ILDR2: variants seen among roughly 807,000 people sequenced by gnomAD.
The protein encoded by ILDR2 is immunoglobulin-like domain-containing receptor 2.
A neutral mutation model predicts 66.8 loss-of-function variants in ILDR2; 25 were observed. That is an observed-to-expected ratio of 0.37 (90% confidence interval 0.27 to 0.52). The LOEUF is 0.52. ILDR2 is among the 20% of genes least tolerant of loss of function. The probability of loss-of-function intolerance (pLI) is 0.88; values close to 1 mark genes in which losing one functional copy is unlikely to be tolerated. For synonymous variants in ILDR2, 367 were observed against 357.2 expected (o/e 1.03, Z -0.31); for missense variants, 827 against 876.8 (o/e 0.94, Z 0.72).
intron 7 of ILDR2, among the ~76,000 whole-genome samples, chr1:166,926,704 C>T (rs1163009732): frequency 6.6e-6 from 1 of 151,176 alleles, no homozygotes; most frequent in Non-Finnish European, 1.5e-5. Flanking sequence ...TTCCCTTCTA[C>T]TCCTTTTAAA....
chr1:166,932,937 C>T (rs1208815100), intron 6 of ILDR2, among the ~76,000 whole-genome samples: 1 of 152,160 alleles, frequency 6.6e-6, no homozygotes, highest in African/African-American at 2.4e-5. Flanking sequence ...CTGGCATAAG[C>T]CACCTTTGCT....
chr1:166,965,119 C>T (rs1662854703), intron 1 of ILDR2, among the ~76,000 whole-genome samples: 1 of 152,130 alleles, frequency 6.6e-6, no homozygotes, highest in African/African-American at 2.4e-5. Flanking sequence ...CTCAGAATTG[C>T]CCATTCCTCA....
chr1:166,920,835 CGTCCTCCTG>C lies in ILDR2; in HGVS notation c.1747_1755del (p.Gln583_Asp585del). ...TAGGGCGGCAGCGCGTCGTCGGACG[CGTCCTCCTG>C]GTCGTCCTGCGACGAGCCGGCCTTG... On this transcript the variant is annotated inframe_deletion, in exon 9 of 10. Transcript: ENST00000271417. The C allele has an allele frequency of 6.6e-7, 1 of 1,517,780 alleles. No individual in the cohort carries two copies. The highest frequency in any genetic ancestry group is 8.8e-7 in the Non-Finnish European group (1 of 1,136,364). The allele number at this position is 1,517,780 out of a possible 1,614,324, so 94.0% of individuals were successfully genotyped here. A position where few individuals can be genotyped will look rare whatever the true frequency, so the allele number is the denominator to read the frequency against.
downstream of ILDR2, among the ~76,000 whole-genome samples, chr1:166,906,452 G>A (rs1362594728): frequency 6.6e-6 from 1 of 152,098 alleles, no homozygotes; most frequent in African/African-American, 2.4e-5. Context: ...GAGAGGGGAA[G>A]GAAGGTATTC....
At chr1:166,949,147 G>T (rs1661821948) in intron 3 of ILDR2, among the ~76,000 whole-genome samples, 1 of 152,230 alleles carries the variant, frequency 6.6e-6, no homozygotes, top group South Asian at 2.1e-4. Flanking sequence ...TTTGGGGAAT[G>T]GGAGAGCTGC....
intron 7 of ILDR2, among the ~76,000 whole-genome samples, chr1:166,924,130 A>G (rs1660132257): frequency 6.6e-6 from 1 of 152,226 alleles, no homozygotes; most frequent in African/African-American, 2.4e-5. Context: ...ATGCCATTCA[A>G]TTTTATCATG....
At chr1:166,964,474 A>T (rs1013307672) in intron 1 of ILDR2, among the ~76,000 whole-genome samples, 3 of 152,224 alleles carry the variant, frequency 2.0e-5, no homozygotes, top group Non-Finnish European at 4.4e-5. Flanking sequence ...TATCCCTAGT[A>T]TACAGCAAAG....
In ILDR2 at chr1:166,921,303, G is replaced by A. The variant is rs773335501; in HGVS notation, c.1288C>T (p.Leu430=). Residue 430 remains leucine (L), a synonymous_variant, in exon 9 of 10, where the codon CTG becomes TTG. Coordinates refer to ENST00000271417, the MANE Select transcript of ILDR2 (RefSeq NM_199351.3). The surrounding 1 kb of genome is among the most constrained non-coding windows in gnomAD (Gnocchi z 5.3). ...TGVPAVSMDE[L]AAFADSYGQR... ...CCGTAGGAGTCAGCGAAGGCCGCCAGCTCGTCCATGGAAACGGCCGGCACC... is the reference window on the plus strand; with the variant it reads ...CCGTAGGAGTCAGCGAAGGCCGCCAACTCGTCCATGGAAACGGCCGGCACC... 19 of 1,596,156 alleles carry A rather than the reference G, an allele frequency of 1.2e-5. No homozygotes were observed. The highest frequency in any genetic ancestry group is 6.7e-5 in the Admixed American group (4 of 59,588).
At chr1:166,898,861 A>G (rs548435420) in intron 2 of ILDR2, among the ~76,000 whole-genome samples, 51 of 151,766 alleles carry the variant, frequency 3.4e-4, no homozygotes, top group African/African-American at 1.2e-3. Context: ...GAGCTCAAAG[A>G]CCAGCCTGAG....
At chr1:166,905,971 TG>T (rs1402484099), downstream of ILDR2, among the ~76,000 whole-genome samples, 4 of 152,222 alleles carry the variant, frequency 2.6e-5, no homozygotes, top group Admixed American at 2.6e-4. Flanking sequence ...CAAGTCCCTT[TG>T]AAAAGTTTTC....
At chr1:166,929,205 A>G (rs1024896253) in intron 6 of ILDR2, among the ~76,000 whole-genome samples, 41 of 152,230 alleles carry the variant, frequency 2.7e-4, no homozygotes, top group Admixed American at 2.6e-3. Flanking sequence ...CAACCTTTAA[A>G]TAATCTCTTA....
At chr1:166,931,691 C>G (rs761176083) in intron 6 of ILDR2, among the ~76,000 whole-genome samples, 3 of 152,004 alleles carry the variant, frequency 2.0e-5, no homozygotes, top group Non-Finnish European at 2.9e-5. Flanking sequence ...GAAAAGGAAA[C>G]CAACTCAAGG....
rs771726423 is a variant in ILDR2, at chr1:166,936,760, C to A, written c.557-23G>T. 1.2e-6 allele frequency: 2 copies of A among 1,613,462 alleles called. No homozygotes were observed. On this transcript the variant is annotated intron_variant, in intron 4 of 9. Transcript: ENST00000271417. This position sits in a 1 kb window ranked among gnomAD's most constrained non-coding sequence, Gnocchi z 5.0. The stretch of plus-strand genomic sequence containing the variant: ...ACTCTGGAAGGATGCACAAAGAAAT[C>A]CACACTCGAGGCAGCCCACCTCCAG...
At chr1:166,926,179 C>T (rs770733933) in intron 7 of ILDR2, among the ~76,000 whole-genome samples, 3 of 152,110 alleles carry the variant, frequency 2.0e-5, no homozygotes, top group Non-Finnish European at 4.4e-5. Flanking sequence ...TCAAGTCTCT[C>T]GTTAGTTCCA....
At chr1:166,927,656 A>C (rs1299717888) in intron 6 of ILDR2, among the ~76,000 whole-genome samples, 1 of 152,244 alleles carries the variant, frequency 6.6e-6, no homozygotes, top group Admixed American at 6.5e-5. Context: ...AGTTGGCCTG[A>C]AAGCTTTGAG....
Position 166,908,543 on chromosome 1 carries a change from A to G in ILDR2, c.*10812T>C, listed in dbSNP as rs1659394292. ...AAATGTCCCCTGTTCTATGGAACTT[A>G]GAGAGGAAGGGAGAAGCACCTTGCC... On this transcript the variant is annotated 3_prime_UTR_variant, in exon 10 of 10. Coordinates refer to ENST00000271417, the MANE Select transcript of ILDR2 (RefSeq NM_199351.3). 1.3e-5 allele frequency: 2 copies of G among 152,248 alleles called. No homozygotes were observed. The highest frequency in any genetic ancestry group is 2.4e-5 in the African/African-American group (1 of 41,472). 9.4% of individuals were successfully genotyped at this position (152,248 alleles called of 1,614,324 possible).
In ILDR2 at chr1:166,955,223, C is replaced by T. The variant is rs991590446; in HGVS notation, c.499+1510G>A. The stretch of plus-strand genomic sequence containing the variant: ...CCATTCTTTTACAAGTCACAAGTTA[C>T]ACTTTATATATTGGACCCAAAGACT... On this transcript the variant is annotated intron_variant, in intron 3 of 9. Transcript: ENST00000271417. Among the ~76,000 whole-genome samples, 16 of 152,312 alleles carry T rather than the reference C, an allele frequency of 1.1e-4. No homozygotes were observed. In the East Asian group the frequency reaches 3.1e-3, roughly 29 times the overall value.
At chr1:166,942,000 G>C (rs542120898) in intron 3 of ILDR2, among the ~76,000 whole-genome samples, 2 of 152,200 alleles carry the variant, frequency 1.3e-5, no homozygotes, top group Non-Finnish European at 1.5e-5. Context: ...GAATACTCAG[G>C]GCAACTTTAT....
At chr1:166,931,282 G>A (rs73026716) in intron 6 of ILDR2, among the ~76,000 whole-genome samples, 156 of 152,278 alleles carry the variant, frequency 1.0e-3, no homozygotes, top group African/African-American at 3.7e-3. Context: ...AGTCTCCGAG[G>A]CAGATACTCA....
Sources: gnomAD v4.1 joint callset for allele counts (sites outside exome capture counted in the v4.1 genomes callset) on GRCh38, gnomAD v4.1.1 for gene constraint, Gnocchi (gnomAD v3.1) non-coding constraint, MANE v1.5 for transcripts, NCBI Gene and HGNC (gene_info 2026-07-23, HGNC 2026-07-21) for gene names.